The following PCDH9 variants were observed in gnomAD, a reference collection of about 807,000 sequenced individuals.
PCDH9 encodes the protein protocadherin-9.
Under a neutral mutation model 70.6 loss-of-function variants are expected in PCDH9, and 24 were observed. The observed-to-expected ratio is 0.34, with a 90% CI of 0.25 to 0.48. PCDH9 has a LOEUF of 0.48. Among genes scored for constraint, PCDH9 ranks in the 20% least tolerant of loss-of-function variants. The pLI, the probability that PCDH9 is intolerant of heterozygous loss-of-function variation, is 0.99. For synonymous variants in PCDH9, 562 were observed against 558.5 expected (o/e 1.01, Z -0.09); for missense variants, 1,281 against 1,503.6 (o/e 0.85, Z 2.45).
chr13:66,516,342 A>G (rs1959734382), intron 4 of PCDH9, among the ~76,000 whole-genome samples: 1 of 152,058 alleles, frequency 6.6e-6, no homozygotes, highest in African/African-American at 2.4e-5. Context: ...AATACTATCA[A>G]TAATAATCCT....
chr13:67,088,223 C>A (rs999087626), intron 2 of PCDH9, among the ~76,000 whole-genome samples: 1 of 151,732 alleles, frequency 6.6e-6, no homozygotes, highest in Non-Finnish European at 1.5e-5. Context: ...TAATACATTA[C>A]ATTAACCCAT....
At chr13:67,170,279 G>C (rs1458826643) in intron 2 of PCDH9, among the ~76,000 whole-genome samples, 4 of 152,174 alleles carry the variant, frequency 2.6e-5, no homozygotes, top group Non-Finnish European at 5.9e-5. Context: ...AGAAATGGCA[G>C]CTCATATAAC....
intron 4 of PCDH9, among the ~76,000 whole-genome samples, chr13:66,559,093 A>C (rs1253353082): frequency 6.6e-6 from 1 of 152,198 alleles, no homozygotes; most frequent in East Asian, 1.9e-4. Flanking sequence ...CTTACAAACT[A>C]GTTACTTCCT....
chr13:66,321,062 G>C (rs1955744644), intron 4 of PCDH9, among the ~76,000 whole-genome samples: 2 of 151,946 alleles, frequency 1.3e-5, no homozygotes, highest in South Asian at 4.1e-4. Flanking sequence ...CTCAGGCAGA[G>C]CTTAAGACAT....
At chr13:66,641,592 G>C (rs1401333622) in intron 3 of PCDH9, among the ~76,000 whole-genome samples, 1 of 152,176 alleles carries the variant, frequency 6.6e-6, no homozygotes, top group African/African-American at 2.4e-5. Context: ...TTCCAGAATT[G>C]AGGAGAGAGG....
At chr13:67,129,427 T>A (rs1403680651) in intron 2 of PCDH9, among the ~76,000 whole-genome samples, 1 of 152,142 alleles carries the variant, frequency 6.6e-6, no homozygotes, top group African/African-American at 2.4e-5. Context: ...TGTATATTTG[T>A]GTGTGTGTTT....
At chr13:66,870,528 A>G (rs2081658036) in intron 3 of PCDH9, among the ~76,000 whole-genome samples, 1 of 152,202 alleles carries the variant, frequency 6.6e-6, no homozygotes, top group Non-Finnish European at 1.5e-5. Context: ...AGTGAACTCA[A>G]ACAAATTTAC....
chr13:66,950,536 C>A (rs893620529), intron 2 of PCDH9, among the ~76,000 whole-genome samples: 1 of 151,430 alleles, frequency 6.6e-6, no homozygotes, highest in Non-Finnish European at 1.5e-5. Flanking sequence ...AAGATGTTAG[C>A]TTTTGTTCTG....
At chr13:66,416,162 C>G (rs1957456644) in intron 4 of PCDH9, among the ~76,000 whole-genome samples, 1 of 151,892 alleles carries the variant, frequency 6.6e-6, no homozygotes, top group Non-Finnish European at 1.5e-5. Flanking sequence ...TTGTTTTTTT[C>G]TGGGCATTCT....
intron 3 of PCDH9, among the ~76,000 whole-genome samples, chr13:66,720,326 G>GTTT (rs66600272): frequency 5.3e-5 from 7 of 132,030 alleles, no homozygotes; most frequent in Admixed American, 7.8e-5. Flanking sequence ...TTGCTTTTTT[G>GTTT]TTTTTTTTTT....
At chr13:66,407,033 G>A (rs890638888) in intron 4 of PCDH9, among the ~76,000 whole-genome samples, 2 of 152,100 alleles carry the variant, frequency 1.3e-5, no homozygotes, top group Non-Finnish European at 2.9e-5. Flanking sequence ...AGGTTTATGT[G>A]CTTATCTCAG....
intron 2 of PCDH9, chr13:67,223,786 A>C (rs1455676841): frequency 1.3e-5 from 2 of 152,048 alleles, no homozygotes; most frequent in African/African-American, 4.8e-5. Flanking sequence ...TACTGATTAA[A>C]GTCCTTTCTT....
chr13:66,545,215 G>T (rs1961132176), intron 4 of PCDH9, among the ~76,000 whole-genome samples: 1 of 152,040 alleles, frequency 6.6e-6, no homozygotes, highest in Non-Finnish European at 1.5e-5. Context: ...AGGCAAATAG[G>T]AAAATAGCTA....
chr13:66,502,782 T>C (rs1959183447), intron 4 of PCDH9, among the ~76,000 whole-genome samples: 1 of 152,188 alleles, frequency 6.6e-6, no homozygotes, highest in South Asian at 2.1e-4. Context: ...TTTCGTCAAT[T>C]AGGAGTATAC....
At chr13:67,181,575 T>C (rs1247257858) in intron 2 of PCDH9, among the ~76,000 whole-genome samples, 1 of 152,204 alleles carries the variant, frequency 6.6e-6, no homozygotes, top group African/African-American at 2.4e-5. Context: ...TACAGTGTAA[T>C]GGAGGTGATA....
At chr13:67,143,209 C>A (rs895308222) in intron 2 of PCDH9, among the ~76,000 whole-genome samples, 1 of 152,040 alleles carries the variant, frequency 6.6e-6, no homozygotes, top group Non-Finnish European at 1.5e-5. Context: ...ACAATAGAAC[C>A]TGGTGATTAT....
chr13:66,690,945 T>C (rs2078475668), intron 3 of PCDH9, among the ~76,000 whole-genome samples: 1 of 152,160 alleles, frequency 6.6e-6, no homozygotes. Flanking sequence ...CATATTGCAC[T>C]AAAGTTTTAA....
At chr13:66,880,177 T>C (rs1313683530) in intron 3 of PCDH9, 1 of 152,094 alleles carries the variant, frequency 6.6e-6, no homozygotes, top group Non-Finnish European at 1.5e-5. Context: ...TCAAAGTAAG[T>C]GGAATAATGA....
At chr13:66,822,309 T>C (rs944794037) in intron 3 of PCDH9, among the ~76,000 whole-genome samples, 1 of 152,078 alleles carries the variant, frequency 6.6e-6, no homozygotes, top group Non-Finnish European at 1.5e-5. Context: ...AAATCAGACA[T>C]CTCTCATTAA....
Sources: gnomAD v4.1 joint callset for allele counts (sites outside exome capture counted in the v4.1 genomes callset) on GRCh38, gnomAD v4.1.1 for gene constraint, MANE v1.5 for transcripts, NCBI Gene and HGNC (gene_info 2026-07-23, HGNC 2026-07-21) for gene names.